The following PTPRT variants were observed in gnomAD, a reference collection of about 807,000 sequenced individuals.
PTPRT encodes receptor-type tyrosine-protein phosphatase T.
A neutral mutation model predicts 176.8 loss-of-function variants in PTPRT; 56 were observed. The observed-to-expected ratio is 0.32, with a 90% CI of 0.26 to 0.40. The LOEUF (loss-of-function observed/expected upper bound fraction) is 0.40, where lower values mean the gene tolerates loss of function less well. Among genes scored for constraint, PTPRT ranks in the 10% least tolerant of loss-of-function variants. PTPRT has a pLI of 1.00. For missense variants in PTPRT, 1,540 were observed against 1,908.2 expected, an observed-to-expected ratio of 0.81 and a Z score of 3.60; for synonymous variants, 783 against 739.0, an observed-to-expected ratio of 1.06 and a Z score of -0.96.
chr20:43,020,389 C>T (rs1985614927), intron 1 of PTPRT, among the ~76,000 whole-genome samples: 2 of 151,798 alleles, frequency 1.3e-5, no homozygotes. Flanking sequence ...CGTAGGGAAA[C>T]AGACCTAGAG....
chr20:42,377,676 T>G (rs1219395276), intron 9 of PTPRT, among the ~76,000 whole-genome samples: 2 of 152,172 alleles, frequency 1.3e-5, no homozygotes, highest in Non-Finnish European at 2.9e-5. Context: ...ACAAACGACC[T>G]CAACCTAAAA....
intron 7 of PTPRT, among the ~76,000 whole-genome samples, chr20:42,518,118 C>G (rs1601175749): frequency 6.6e-6 from 1 of 151,958 alleles, no homozygotes; most frequent in Non-Finnish European, 1.5e-5. Context: ...TACTGTCATA[C>G]TCAGTTTAGA....
intron 18 of PTPRT, among the ~76,000 whole-genome samples, chr20:42,132,422 G>A (rs1297703506): frequency 7.2e-5 from 11 of 152,144 alleles, no homozygotes; most frequent in African/African-American, 2.4e-4. Context: ...TGCCAAACAC[G>A]TATCTCAGAA....
At chr20:42,162,863 C>T (rs924737217) in intron 16 of PTPRT, among the ~76,000 whole-genome samples, 5 of 152,212 alleles carry the variant, frequency 3.3e-5, no homozygotes, top group Admixed American at 3.3e-4. Context: ...AATGCACACT[C>T]TACTTCTCGG....
At chr20:42,336,265 T>C (rs2058038175) in intron 11 of PTPRT, among the ~76,000 whole-genome samples, 1 of 152,166 alleles carries the variant, frequency 6.6e-6, no homozygotes, top group Non-Finnish European at 1.5e-5. Context: ...AGGGAGGTAT[T>C]GGATGATTTA....
At chr20:42,839,614 C>A (rs953584926) in intron 2 of PTPRT, among the ~76,000 whole-genome samples, 1 of 152,056 alleles carries the variant, frequency 6.6e-6, no homozygotes, top group Non-Finnish European at 1.5e-5. Context: ...GCAGCGATTC[C>A]CTTGAATCCT....
chr20:42,767,859 G>A (rs1173540936), intron 5 of PTPRT, among the ~76,000 whole-genome samples: 2 of 142,368 alleles, frequency 1.4e-5, no homozygotes, highest in Admixed American at 1.4e-4. Flanking sequence ...AACATAATTT[G>A]TTATATGTAT....
chr20:42,422,803 A>C (rs1038903467), intron 9 of PTPRT, among the ~76,000 whole-genome samples: 3 of 152,244 alleles, frequency 2.0e-5, no homozygotes, highest in African/African-American at 7.2e-5. Context: ...CTAAATGCCC[A>C]TCAATGATAG....
At chr20:42,251,705 C>T (rs932497357) in intron 13 of PTPRT, among the ~76,000 whole-genome samples, 6 of 139,586 alleles carry the variant, frequency 4.3e-5, no homozygotes, top group African/African-American at 1.6e-4. Flanking sequence ...GGGGCAAGCA[C>T]CCTGTTGTAC....
At chr20:42,825,295 C>T (rs374595880) in intron 2 of PTPRT, among the ~76,000 whole-genome samples, 9 of 152,094 alleles carry the variant, frequency 5.9e-5, no homozygotes, top group Admixed American at 1.3e-4. Flanking sequence ...AAAAATCTCA[C>T]GACAGTATTA....
At chr20:42,592,689 G>A (rs62203800) in intron 7 of PTPRT, among the ~76,000 whole-genome samples, 1 of 152,192 alleles carries the variant, frequency 6.6e-6, no homozygotes, top group Non-Finnish European at 1.5e-5. Flanking sequence ...CCGACTCCCT[G>A]GAGTTTACTA....
chr20:42,112,909 T>C (rs1987080190), intron 22 of PTPRT, among the ~76,000 whole-genome samples: 3 of 152,142 alleles, frequency 2.0e-5, no homozygotes, highest in Admixed American at 1.3e-4. Context: ...CTTGGACTTT[T>C]TTCACGCCAT....
intron 2 of PTPRT, among the ~76,000 whole-genome samples, chr20:42,885,444 T>C (rs2079086747): frequency 6.6e-6 from 1 of 151,360 alleles, no homozygotes; most frequent in Non-Finnish European, 1.5e-5. Flanking sequence ...CCTAAATATA[T>C]ACAACCTATG....
At chr20:42,636,323 G>C (rs1324858287) in intron 7 of PTPRT, among the ~76,000 whole-genome samples, 1 of 152,110 alleles carries the variant, frequency 6.6e-6, no homozygotes, top group Non-Finnish European at 1.5e-5. Flanking sequence ...TTCATGCTGT[G>C]TTGCAAACTG....
intron 9 of PTPRT, among the ~76,000 whole-genome samples, chr20:42,434,662 GA>G (rs10626020): frequency 0.12 from 16,668 of 137,670 alleles, 962 homozygotes; most frequent in Middle Eastern, 0.15. Context: ...ATCTTCATAA[GA>G]AAAAAAAAAA....
intron 1 of PTPRT, among the ~76,000 whole-genome samples, chr20:43,039,762 C>T (rs752699776): frequency 8.5e-5 from 13 of 152,144 alleles, no homozygotes; most frequent in Non-Finnish European, 1.5e-4. Flanking sequence ...AAAACCAGGC[C>T]GGGTGCACTG....
chr20:42,199,211 TC>T (rs1991350776), intron 16 of PTPRT, 28 bp downstream of exon 16: 1 of 1,610,688 alleles, frequency 6.2e-7, no homozygotes, highest in African/African-American at 1.3e-5. Context: ...ACCACGGATG[TC>T]CCCTTCCCCT....
intron 1 of PTPRT, among the ~76,000 whole-genome samples, chr20:42,995,690 C>T (rs1024176393): frequency 3.3e-5 from 5 of 152,226 alleles, no homozygotes; most frequent in Non-Finnish European, 5.9e-5. Flanking sequence ...ATCCAACTCA[C>T]TACATTTTCC....
At chr20:42,541,416 T>C (rs1218819981) in intron 7 of PTPRT, among the ~76,000 whole-genome samples, 1 of 151,944 alleles carries the variant, frequency 6.6e-6, no homozygotes, top group African/African-American at 2.4e-5. Flanking sequence ...AACTTAGAAG[T>C]AGACAAAATT....
Sources: allele counts gnomAD v4.1 joint callset (sites outside exome capture counted in the v4.1 genomes callset), GRCh38; gene constraint gnomAD v4.1.1; transcripts MANE v1.5; gene names NCBI Gene and HGNC (gene_info 2026-07-23, HGNC 2026-07-21).